Variants in CTSB observed in about 807,000 individuals in gnomAD.
CTSB encodes the protein cathepsin B.
Under a neutral mutation model 44.3 loss-of-function variants are expected in CTSB, and 57 were observed. The ratio of observed to expected loss-of-function variants is 1.29; its 90% confidence interval spans 1.04 to 1.60. The LOEUF is 1.60. Ranked by LOEUF, CTSB falls within the 40% of genes most tolerant of loss-of-function variation. CTSB has a pLI of 0.00. For missense variants in CTSB, 768 were observed against 443.0 expected (o/e 1.73, Z -6.59); for synonymous variants, 320 against 168.0 (o/e 1.91, Z -7.00).
At chr8:11,848,686 G>T in intron 5 of CTSB, 1 of 301,084 alleles carries the variant, frequency 3.3e-6, no homozygotes, top group South Asian at 3.3e-5. Flanking sequence ...TGTTGTTAAG[G>T]TGGAGCCATC....
At chr8:11,852,498 G>A in intron 3 of CTSB, 112 bp downstream of exon 3, 2 of 681,012 alleles carry the variant, frequency 2.9e-6, no homozygotes, top group South Asian at 2.1e-5. Flanking sequence ...CGGCAGCCCT[G>A]GGCAGCATGA....
chr8:11,852,759 C>T, intron 2 of CTSB, 64 bp from the exon 3 acceptor site: 1 of 1,478,978 alleles, frequency 6.8e-7, no homozygotes, highest in Non-Finnish European at 9.4e-7. Flanking sequence ...GCACGCTGCC[C>T]ACACACGAAG....
At chr8:11,848,037 G>A (rs751929334) in intron 6 of CTSB, 30 bp downstream of exon 6, 4 of 1,548,716 alleles carry the variant, frequency 2.6e-6, no homozygotes, top group South Asian at 1.1e-5. Flanking sequence ...AATCCATCTG[G>A]CCAGAAAGTG....
intron 1 of CTSB, chr8:11,855,018 A>G (rs1815280665): frequency 6.6e-6 from 1 of 152,200 alleles, no homozygotes; most frequent in Non-Finnish European, 1.5e-5. Context: ...ACCACATGCA[A>G]CACAGAATTG....
chr8:11,853,707 A>C (rs1035339751), intron 1 of CTSB: 13 of 478,866 alleles, frequency 2.7e-5, no homozygotes, highest in African/African-American at 1.8e-4. Context: ...CCAGAGAGAG[A>C]GCCAAGGGGC....
At position 11,849,431 on chromosome 8, in the gene CTSB, G is replaced by A. The variant is rs558033919; in HGVS notation, c.328-267C>T. On this transcript the variant is annotated intron_variant, in intron 4 of 9. Transcript: ENST00000353047. ...AAAGTGCTGGGATTAGAGGCGTGAT[G>A]AGCCACTTGCCCCACTCTCCTGCCT... The A allele has an allele frequency of 7.8e-5, 22 of 281,562 alleles. No homozygotes were observed. The Admixed American group carries it at 8.4e-4, about 11-fold the overall frequency. 17.4% of individuals were successfully genotyped at this position (281,562 alleles called of 1,614,324 possible).
At chr8:11,846,839 TTG>T (rs1036325184) in intron 8 of CTSB, among the ~76,000 whole-genome samples, 2 of 151,982 alleles carry the variant, frequency 1.3e-5, no homozygotes, top group Non-Finnish European at 2.9e-5. Flanking sequence ...GCCTCTGGAA[TTG>T]TGTGTGTTGG....
At chr8:11,852,769 G>A in intron 2 of CTSB, 74 bp from the exon 3 acceptor site, 1 of 1,412,118 alleles carries the variant, frequency 7.1e-7, no homozygotes, top group Non-Finnish European at 9.9e-7. Flanking sequence ...CACACACGAA[G>A]CCCAACCCAG....
chr8:11,856,113 C>T (rs1038815876), intron 1 of CTSB, among the ~76,000 whole-genome samples: 2 of 151,822 alleles, frequency 1.3e-5, no homozygotes, highest in African/African-American at 4.8e-5. Context: ...ATCAGATTGG[C>T]AAGGGCTGGA....
At chr8:11,859,806 G>C (rs1816112621) in intron 1 of CTSB, among the ~76,000 whole-genome samples, 1 of 134,276 alleles carries the variant, frequency 7.4e-6, no homozygotes, top group Non-Finnish European at 1.5e-5. Flanking sequence ...CGGACACAAT[G>C]GCTCACGCAT....
rs1190502552 is a variant in CTSB at position 11,868,082 on chromosome 8, G to C, written c.-107C>G. 2 of 152,512 alleles carry C rather than the reference G, an allele frequency of 1.3e-5. No homozygotes were observed. The highest frequency in any genetic ancestry group is 2.9e-5 in the Non-Finnish European group (2 of 68,430). 9.4% of individuals were successfully genotyped at this position (152,512 alleles called of 1,614,324 possible). A position where few individuals can be genotyped will look rare whatever the true frequency, so the allele number is the denominator to read the frequency against. On this transcript the variant is annotated 5_prime_UTR_variant, in exon 1 of 10. Transcript: ENST00000353047. ...TTGCCGGAGCGGTTGCCGGAGCCCT[G>C]CAGCCGCCGTAGCCTGGGCCAGCCC...
At chr8:11,865,110 C>T (rs190284149) in intron 1 of CTSB, among the ~76,000 whole-genome samples, 3 of 152,306 alleles carry the variant, frequency 2.0e-5, no homozygotes, top group East Asian at 1.9e-4. Flanking sequence ...CCCAGAGGCA[C>T]AGCACATCTG....
chr8:11,848,077 T>C lies in CTSB; in HGVS notation c.522A>G (p.Glu174=), dbSNP rs1435001406. 3.1e-6 allele frequency: 5 copies of C among 1,612,762 alleles called. No individual in the cohort carries two copies. The highest frequency in any genetic ancestry group is 4.2e-6 in the Non-Finnish European group (5 of 1,179,206). Residue 174 remains glutamate, a synonymous_variant, in exon 6 of 10, where the codon GAA becomes GAG. Coordinates refer to ENST00000353047, the MANE Select transcript of CTSB (RefSeq NM_001908.5). Reference sequence around the variant, plus strand: ...AGGGGACACACTTACCTACATGGGATTCATAGAGGCCACCAGAAACCAGGC... The same window carrying C: ...AGGGGACACACTTACCTACATGGGACTCATAGAGGCCACCAGAAACCAGGC... ...RKGLVSGGLY[E]SHVGCRPYSI...
intron 3 of CTSB, among the ~76,000 whole-genome samples, chr8:11,851,552 T>A (rs980142568): frequency 6.6e-6 from 1 of 152,302 alleles, no homozygotes; most frequent in African/African-American, 2.4e-5. Flanking sequence ...GATGAATTTA[T>A]CCACAAATTA....
At chr8:11,863,467 AC>A (rs1816705257) in intron 1 of CTSB, among the ~76,000 whole-genome samples, 1 of 152,072 alleles carries the variant, frequency 6.6e-6, no homozygotes. Flanking sequence ...CAAAAAAAAA[AC>A]AAAAAAACCC....
chr8:11,852,092 T>C (rs1272548380), intron 3 of CTSB, among the ~76,000 whole-genome samples: 1 of 151,650 alleles, frequency 6.6e-6, no homozygotes, highest in East Asian at 2.0e-4. Context: ...TAGAAAACAC[T>C]GGGGGTGGCT....
At chr8:11,845,592 A>G in intron 9 of CTSB, 69 bp downstream of exon 9, 1 of 1,564,848 alleles carries the variant, frequency 6.4e-7, no homozygotes, top group Non-Finnish European at 8.7e-7. Flanking sequence ...TAGAACAGAG[A>G]AAGCCGAGAT....
In CTSB at chr8:11,847,880, G is replaced by C. The variant is rs572988320; in HGVS notation, c.533-58C>G. The C allele has an allele frequency of 2.1e-6, 3 of 1,408,668 alleles. No homozygotes were observed. The Admixed American group carries it at 8.1e-5, about 38-fold the overall frequency. 87.3% of individuals were successfully genotyped at this position (1,408,668 alleles called of 1,614,324 possible). A position where few individuals can be genotyped will look rare whatever the true frequency, so the allele number is the denominator to read the frequency against. On this transcript the variant is annotated intron_variant, in intron 6 of 9. Transcript: ENST00000353047. ...TACAGCCCCCACGGAGAAGACCTGG[G>C]GCAAGGCAAGCCTCGTGCCTGCAGC...
intron 1 of CTSB, among the ~76,000 whole-genome samples, chr8:11,861,021 G>A (rs1436513456): frequency 6.6e-6 from 1 of 152,228 alleles, no homozygotes; most frequent in African/African-American, 2.4e-5. Context: ...TTTCCTTTTT[G>A]AGTATGAATC....
Sources: gnomAD v4.1 joint callset for allele counts (sites outside exome capture counted in the v4.1 genomes callset) on GRCh38, gnomAD v4.1.1 for gene constraint, MANE v1.5 for transcripts, NCBI Gene and HGNC (gene_info 2026-07-23, HGNC 2026-07-21) for gene names.